ZNF366: variants seen among roughly 807,000 people sequenced by gnomAD.
The protein encoded by ZNF366 is dendritic cell-specific transcript protein.
A neutral mutation model predicts 47.2 loss-of-function variants in ZNF366; 20 were observed. The ratio of observed to expected loss-of-function variants is 0.42; its 90% confidence interval spans 0.30 to 0.62. ZNF366 has a LOEUF of 0.62. Ranked by LOEUF, ZNF366 falls within the 20% of genes least tolerant of loss-of-function variation. The pLI, the probability that ZNF366 is intolerant of heterozygous loss-of-function variation, is 0.16. For synonymous variants in ZNF366, 421 were observed against 395.1 expected (o/e 1.07, Z -0.78); for missense variants, 987 against 976.3 (o/e 1.01, Z -0.15).
At position 72,461,138 on chromosome 5, in the gene ZNF366, G is replaced by A. The variant is rs201407323; in HGVS notation, c.359C>T (p.Pro120Leu). 2.2e-5 allele frequency: 35 copies of A among 1,614,168 alleles called. No individual in the cohort carries two copies. The highest frequency in any genetic ancestry group is 1.3e-4 in the South Asian group (12 of 91,076). ...PNLPLLFPQP[P>L]RPKYDSQMID... Reference sequence around the variant, plus strand: ...CATCTGAGAGTCATACTTGGGGCGCGGGGGCTGCGGGAACAGCAAAGGGAG... The same window carrying A: ...CATCTGAGAGTCATACTTGGGGCGCAGGGGCTGCGGGAACAGCAAAGGGAG... Residue 120 changes from proline (P) to leucine (L), a missense_variant, in exon 2 of 5, where the codon CCG becomes CTG. Pro to Leu is a moderately conservative substitution (Grantham distance 98). Transcript: ENST00000318442.
chr5:72,462,204 T>C (rs1743329213), intron 1 of ZNF366, among the ~76,000 whole-genome samples: 1 of 152,186 alleles, frequency 6.6e-6, no homozygotes, highest in Non-Finnish European at 1.5e-5. Context: ...AACATGATTT[T>C]AAAAAGCATA....
At position 72,459,443 on chromosome 5, in the gene ZNF366, T is replaced by G. The variant is rs377722651; in HGVS notation, c.1332+722A>C. On this transcript the variant is annotated intron_variant, in intron 2 of 4. Transcript: ENST00000318442. ...CTTGTTTTAGTTCAGCCTGAATGAC[T>G]CCAGGGCTATGGTTGCAAACTGGGC... 4.9e-3 allele frequency among the ~76,000 whole-genome samples: 749 copies of G among 152,252 alleles called. 6 individuals carry two copies. The highest frequency in any genetic ancestry group is 7.0e-3 in the Non-Finnish European group (476 of 68,004).
At chr5:72,489,388 T>G (rs1743961325) in intron 1 of ZNF366, among the ~76,000 whole-genome samples, 1 of 152,196 alleles carries the variant, frequency 6.6e-6, no homozygotes, top group Non-Finnish European at 1.5e-5. Flanking sequence ...CATATATTCT[T>G]GTTTTCTTTC....
rs748560117 is a variant in ZNF366, at chr5:72,444,036, G to A, written c.1955C>T (p.Ser652Leu). 3.7e-6 allele frequency: 6 copies of A among 1,613,982 alleles called. No individual in the cohort carries two copies. The highest frequency in any genetic ancestry group is 1.7e-5 in the Admixed American group (1 of 60,002). The change falls in exon 5 of 5, where the codon TCG becomes TTG. Residue 652 changes from serine (S) to leucine (L), a missense_variant. This residue lies in a region of ZNF366 where 285 missense variants were observed against 234.8 expected (regional missense o/e 1.21). Coordinates refer to ENST00000318442, the MANE Select transcript of ZNF366 (RefSeq NM_152625.3). ...LCTPEDLSTK[S>L]EHAPEVLEEA... ...CTCCAGCACCTCGGGGGCGTGCTCC[G>A]ACTTGGTGGACAGATCCTCGGGTGT...
intron 3 of ZNF366, among the ~76,000 whole-genome samples, chr5:72,451,884 C>G (rs376873459): frequency 8.1e-4 from 124 of 152,350 alleles, no homozygotes; most frequent in Middle Eastern, 6.8e-3. Context: ...TGCTCCGGGC[C>G]TCCTCGTCCC....
rs540244622 is a variant in ZNF366, at chr5:72,505,395, A to G, written c.-15+1856T>C. On this transcript the variant is annotated intron_variant, in intron 1 of 4. Transcript: ENST00000318442. ...CTTAACAACTTAAATGGAAATATTGAATACACTTTTTTCTTTAAAAGAAAA... is the reference window on the plus strand; with the variant it reads ...CTTAACAACTTAAATGGAAATATTGGATACACTTTTTTCTTTAAAAGAAAA... Among the ~76,000 whole-genome samples, 321 of 152,356 alleles carry G rather than the reference A, an allele frequency of 2.1e-3. 1 individual carries two copies. Among genetic ancestry groups the G allele is most frequent in the African/African-American group, 7.1e-3 (294 of 41,586 alleles).
chr5:72,456,423 A>G lies in ZNF366; in HGVS notation c.1505T>C (p.Val502Ala). 2 of 1,605,454 alleles carry G rather than the reference A, an allele frequency of 1.2e-6. No homozygotes were observed. Among genetic ancestry groups the G allele is most frequent in the Non-Finnish European group, 1.7e-6 (2 of 1,173,094 alleles). Residue 502 changes from valine (V) to alanine (A), a missense_variant, in exon 3 of 5, where the codon GTG becomes GCG. Around this residue, in one of 3 missense-constraint regions of ZNF366, gnomAD observed 111 missense variants for 180.5 expected, o/e 0.61. Transcript: ENST00000318442. ...GCCCACCTTGCATTTGAAAGGCTTC[A>G]CGTCAGAGTGGACGATCATGTGTGC... ...LKAHMIVHSD[V>A]KPFKCKLCGK...
chr5:72,460,114 C>T (rs1045964462), intron 2 of ZNF366, 51 bp downstream of exon 2: 2 of 1,581,010 alleles, frequency 1.3e-6, no homozygotes, highest in South Asian at 1.2e-5. Flanking sequence ...TGCTCAGGGC[C>T]CCGCTCCTCT....
rs191722915 is a variant in ZNF366 at position 72,444,359 on chromosome 5, G to C, written c.1700-68C>G. ...GTGGAAATGGGACCTTGAGGAAGGG[G>C]AGCAGCCCGGGGCCGTTTAATGTAT... On this transcript the variant is annotated intron_variant, in intron 4 of 4. Coordinates refer to ENST00000318442, the MANE Select transcript of ZNF366 (RefSeq NM_152625.3). 4.8e-4 allele frequency: 737 copies of C among 1,523,998 alleles called. 7 individuals carry two copies. In the African/African-American group the frequency reaches 8.5e-3, roughly 18 times the overall value. The allele number at this position is 1,523,998 out of a possible 1,614,324, so 94.4% of individuals were successfully genotyped here. A position where few individuals can be genotyped will look rare whatever the true frequency, so the allele number is the denominator to read the frequency against.
intron 3 of ZNF366, among the ~76,000 whole-genome samples, chr5:72,455,963 G>A (rs1051810690): frequency 4.6e-5 from 7 of 152,110 alleles, no homozygotes; most frequent in Admixed American, 2.0e-4. Flanking sequence ...AGGAGGTGGC[G>A]GTGGGTGGGG....
At chr5:72,482,664 C>A (rs1017982704) in intron 1 of ZNF366, among the ~76,000 whole-genome samples, 4 of 152,150 alleles carry the variant, frequency 2.6e-5, no homozygotes, top group Admixed American at 2.6e-4. Flanking sequence ...TGGTCCACCA[C>A]AGGCTCCGGA....
Position 72,443,005 on chromosome 5 carries a change from A to T in ZNF366, c.*751T>A, listed in dbSNP as rs1250695214. On this transcript the variant is annotated 3_prime_UTR_variant, in exon 5 of 5. Transcript: ENST00000318442. The stretch of plus-strand genomic sequence containing the variant: ...GCATGAGGCCTCAGAGCAAGACAGC[A>T]ATGGTCTCCAGGAGGGAGCCGTGCT... 1 of 152,340 alleles carries T rather than the reference A, an allele frequency of 6.6e-6. No individual in the cohort carries two copies. The highest frequency in any genetic ancestry group is 2.4e-5 in the African/African-American group (1 of 41,566). The allele number at this position is 152,340 out of a possible 1,614,324, so 9.4% of individuals were successfully genotyped here. A position where few individuals can be genotyped will look rare whatever the true frequency, so the allele number is the denominator to read the frequency against.
intron 1 of ZNF366, among the ~76,000 whole-genome samples, chr5:72,478,702 GTA>G (rs2112342077): frequency 6.6e-6 from 1 of 152,350 alleles, no homozygotes; most frequent in South Asian, 2.1e-4. Context: ...GCAAGATAGA[GTA>G]GGTGAAAGAT....
chr5:72,450,021 G>A (rs371972731), intron 3 of ZNF366, among the ~76,000 whole-genome samples: 25 of 152,172 alleles, frequency 1.6e-4, no homozygotes, highest in Admixed American at 7.9e-4. Context: ...CACTTGGCTC[G>A]CATGATGAGA....
At chr5:72,484,081 T>A (rs561663407) in intron 1 of ZNF366, among the ~76,000 whole-genome samples, 1 of 152,334 alleles carries the variant, frequency 6.6e-6, no homozygotes, top group Non-Finnish European at 1.5e-5. Context: ...TTGAAACAGA[T>A]CCATGACATC....
chr5:72,448,339 G>T (rs1197087801), intron 3 of ZNF366, among the ~76,000 whole-genome samples: 1 of 152,122 alleles, frequency 6.6e-6, no homozygotes, highest in African/African-American at 2.4e-5. Flanking sequence ...ATACATGAAG[G>T]ACAACTGGTT....
At chr5:72,503,195 A>G (rs1328054878) in intron 1 of ZNF366, among the ~76,000 whole-genome samples, 1 of 152,198 alleles carries the variant, frequency 6.6e-6, no homozygotes, top group Non-Finnish European at 1.5e-5. Context: ...TGATTTACAT[A>G]TGGTTCTAGA....
Position 72,440,068 on chromosome 5 carries a change from A to C in ZNF366, c.*3688T>G, listed in dbSNP as rs1431680523. On this transcript the variant is annotated 3_prime_UTR_variant, in exon 5 of 5. Transcript: ENST00000318442. Reference sequence around the variant, plus strand: ...GCAAGCCAGAGTTCTGTACAAAATCAACATTTGGTGTAATGTTGTCCAAAT... The same window carrying C: ...GCAAGCCAGAGTTCTGTACAAAATCCACATTTGGTGTAATGTTGTCCAAAT... The C allele has an allele frequency of 6.6e-6, 1 of 152,244 alleles. No individual in the cohort carries two copies. Among genetic ancestry groups the C allele is most frequent in the Non-Finnish European group, 1.5e-5 (1 of 68,038 alleles). 9.4% of individuals were successfully genotyped at this position (152,244 alleles called of 1,614,324 possible).
At chr5:72,466,556 G>A (rs879591127) in intron 1 of ZNF366, among the ~76,000 whole-genome samples, 3 of 152,214 alleles carry the variant, frequency 2.0e-5, no homozygotes, top group Non-Finnish European at 2.9e-5. Flanking sequence ...TGTGAAGACA[G>A]GGACTGGATC....
Sources: gnomAD v4.1 joint callset for allele counts (sites outside exome capture counted in the v4.1 genomes callset) on GRCh38, gnomAD v4.1.1 for gene constraint, gnomAD v4.1.1 regional missense constraint, MANE v1.5 for transcripts, NCBI Gene and HGNC (gene_info 2026-07-23, HGNC 2026-07-21) for gene names.